MARCHF1: variants seen among roughly 807,000 people sequenced by gnomAD.
MARCHF1 encodes membrane associated ring-CH-type finger 1.
In MARCHF1, 40 loss-of-function variants were observed where a neutral mutation model predicts 54.2. The ratio of observed to expected loss-of-function variants is 0.74; its 90% CI spans 0.57 to 0.96. MARCHF1 has a LOEUF of 0.96. MARCHF1 is among the 40% of genes least tolerant of loss of function. MARCHF1 has a pLI of 0.00. For missense variants in MARCHF1, 586 were observed against 656.5 expected (o/e 0.89, Z 1.17); for synonymous variants, 236 against 236.3 (o/e 1.00, Z 0.01).
chr4:164,369,149 G>A (rs561515041), intron 1 of MARCHF1, among the ~76,000 whole-genome samples: 2 of 152,244 alleles, frequency 1.3e-5, no homozygotes, highest in South Asian at 2.1e-4. Flanking sequence ...GGTGGCTCTT[G>A]GCAGCTGAGA....
chr4:163,643,543 A>C (rs1742641406), intron 5 of MARCHF1, among the ~76,000 whole-genome samples: 1 of 152,062 alleles, frequency 6.6e-6, no homozygotes, highest in Non-Finnish European at 1.5e-5. Context: ...TTGTTCTTAA[A>C]AATATTAAAT....
chr4:163,570,397 C>A (rs993739650), intron 8 of MARCHF1, among the ~76,000 whole-genome samples: 1 of 151,998 alleles, frequency 6.6e-6, no homozygotes, highest in African/African-American at 2.4e-5. Flanking sequence ...TTCAACGGAA[C>A]CCCCAAAAGT....
chr4:164,347,045 T>C (rs372508731), intron 1 of MARCHF1, among the ~76,000 whole-genome samples: 19 of 152,266 alleles, frequency 1.2e-4, no homozygotes, highest in East Asian at 7.7e-4. Context: ...AACTGAGTGT[T>C]TGCTGGGAAG....
At chr4:163,696,000 T>C (rs955818510) in intron 5 of MARCHF1, among the ~76,000 whole-genome samples, 1 of 152,140 alleles carries the variant, frequency 6.6e-6, no homozygotes. Context: ...TAATCTCACA[T>C]ATACTATAGT....
chr4:164,001,512 A>G (rs1332929691), intron 2 of MARCHF1, among the ~76,000 whole-genome samples: 3 of 151,828 alleles, frequency 2.0e-5, no homozygotes, highest in Non-Finnish European at 3.0e-5. Flanking sequence ...GTCGCTATAA[A>G]CTACTATAAA....
At chr4:164,328,322 T>A (rs573871714) in intron 1 of MARCHF1, among the ~76,000 whole-genome samples, 6 of 152,186 alleles carry the variant, frequency 3.9e-5, no homozygotes, top group Non-Finnish European at 7.4e-5. Flanking sequence ...ATGATTTTAT[T>A]TATACAGTTC....
At chr4:163,798,809 A>T (rs1747995308) in intron 4 of MARCHF1, among the ~76,000 whole-genome samples, 1 of 152,172 alleles carries the variant, frequency 6.6e-6, no homozygotes, top group African/African-American at 2.4e-5. Flanking sequence ...AAAAAAGGCT[A>T]TAAAAAGTAG....
intron 8 of MARCHF1, among the ~76,000 whole-genome samples, chr4:163,569,235 C>T (rs1196555587): frequency 1.3e-5 from 2 of 152,116 alleles, no homozygotes; most frequent in Non-Finnish European, 2.9e-5. Context: ...GTTTTGCTGA[C>T]ATGAGATTGT....
chr4:163,635,310 C>T (rs1414708415), intron 5 of MARCHF1, among the ~76,000 whole-genome samples: 4 of 147,030 alleles, frequency 2.7e-5, no homozygotes, highest in Non-Finnish European at 6.0e-5. Flanking sequence ...AATCCAGGAG[C>T]TGGTTTTTTG....
At chr4:164,266,758 G>A (rs1733621077) in intron 1 of MARCHF1, among the ~76,000 whole-genome samples, 1 of 152,124 alleles carries the variant, frequency 6.6e-6, no homozygotes, top group South Asian at 2.1e-4. Context: ...AAAATCTTGA[G>A]AATGTTTTTT....
At chr4:163,636,251 T>C (rs1462044566) in intron 5 of MARCHF1, among the ~76,000 whole-genome samples, 5 of 151,154 alleles carry the variant, frequency 3.3e-5, no homozygotes, top group Admixed American at 2.7e-4. Flanking sequence ...CCAGGGCAAT[T>C]AGGCAGGAGA....
At chr4:163,662,018 G>A (rs1743360279) in intron 5 of MARCHF1, among the ~76,000 whole-genome samples, 1 of 151,970 alleles carries the variant, frequency 6.6e-6, no homozygotes, top group African/African-American at 2.4e-5. Flanking sequence ...CAATTCCAGG[G>A]TTATGAGAAG....
chr4:164,326,957 T>TTGTGTGTGTG (rs370504086), intron 1 of MARCHF1, among the ~76,000 whole-genome samples: 3,892 of 133,634 alleles, frequency 0.029, 153 homozygotes, highest in East Asian at 0.084. Flanking sequence ...GTTGTAAGGA[T>TTGTGTGTGTG]TGTGTGTGTG....
At chr4:163,929,094 A>G (rs529252829) in intron 3 of MARCHF1, among the ~76,000 whole-genome samples, 25 of 152,146 alleles carry the variant, frequency 1.6e-4, no homozygotes, top group African/African-American at 5.1e-4. Context: ...ATTTTAATAG[A>G]GCTTAAGTAG....
At chr4:163,601,753 A>AT (rs200577882) in intron 7 of MARCHF1, among the ~76,000 whole-genome samples, 145 of 151,468 alleles carry the variant, frequency 9.6e-4, no homozygotes, top group Non-Finnish European at 1.8e-3. Flanking sequence ...ATCTACTTTA[A>AT]TTTTTTTTTA....
At chr4:164,000,916 T>G (rs1023652587) in intron 2 of MARCHF1, among the ~76,000 whole-genome samples, 1 of 151,730 alleles carries the variant, frequency 6.6e-6, no homozygotes, top group Non-Finnish European at 1.5e-5. Flanking sequence ...GTTTAGAATT[T>G]TTTAATTATC....
At chr4:164,360,869 A>G (rs1490772847) in intron 1 of MARCHF1, among the ~76,000 whole-genome samples, 1 of 152,158 alleles carries the variant, frequency 6.6e-6, no homozygotes, top group East Asian at 1.9e-4. Context: ...CATAATTGGT[A>G]GTAAACTATA....
chr4:163,749,264 C>G (rs1333841703), intron 4 of MARCHF1, among the ~76,000 whole-genome samples: 1 of 151,790 alleles, frequency 6.6e-6, no homozygotes, highest in African/African-American at 2.4e-5. Flanking sequence ...ACTGACCTTT[C>G]TAAATTCACT....
chr4:164,296,556 G>C (rs1166894194), intron 1 of MARCHF1, among the ~76,000 whole-genome samples: 1 of 152,004 alleles, frequency 6.6e-6, no homozygotes, highest in Admixed American at 6.6e-5. Context: ...TTTTAGTAGA[G>C]ACAGTGTTTC....
Sources: allele counts gnomAD v4.1 joint callset (sites outside exome capture counted in the v4.1 genomes callset), GRCh38; gene constraint gnomAD v4.1.1; transcripts MANE v1.5; gene names NCBI Gene and HGNC (gene_info 2026-07-23, HGNC 2026-07-21).